RSPO4: variants seen among roughly 807,000 people sequenced by gnomAD.
RSPO4 encodes the protein R-spondin 4.
A neutral mutation model predicts 24.8 loss-of-function variants in RSPO4; 23 were observed. The ratio of observed to expected loss-of-function variants is 0.93; its 90% CI spans 0.67 to 1.31. The LOEUF (loss-of-function observed/expected upper bound fraction) is 1.31, where lower values mean the gene tolerates loss of function less well. Ranked by LOEUF, RSPO4 falls within the 40% of genes most tolerant of loss-of-function variation. The pLI, the probability that RSPO4 is intolerant of heterozygous loss-of-function variation, is 0.00. For synonymous variants in RSPO4, 141 were observed against 127.4 expected, an observed-to-expected ratio of 1.11 and a Z score of -0.72; for missense variants, 333 against 316.5, an observed-to-expected ratio of 1.05 and a Z score of -0.39.
intron 1 of RSPO4, among the ~76,000 whole-genome samples, chr20:992,324 A>C (rs1418447055): frequency 1.5e-5 from 2 of 131,918 alleles, no homozygotes; most frequent in African/African-American, 3.0e-5. Flanking sequence ...TCTGAGGTCC[A>C]CTTTCATAGA....
chr20:967,859 C>G (rs1984264848), intron 2 of RSPO4, 91 bp downstream of exon 2: 1 of 1,279,254 alleles, frequency 7.8e-7, no homozygotes, highest in South Asian at 1.2e-5. Flanking sequence ...ACCTACTTCC[C>G]CTCTGTCTGT....
intron 1 of RSPO4, among the ~76,000 whole-genome samples, chr20:983,687 T>C (rs755140092): frequency 6.6e-6 from 1 of 152,308 alleles, no homozygotes; most frequent in African/African-American, 2.4e-5. Context: ...TGCTCACATG[T>C]TGTGACAGTG....
intron 4 of RSPO4, 29 bp from the exon 5 acceptor site, chr20:960,495 C>T (rs1240682892): frequency 6.6e-7 from 1 of 1,508,290 alleles, no homozygotes; most frequent in South Asian, 1.2e-5. Context: ...GCCCGGTGAC[C>T]AAGGCTGCAG....
rs1006915551 is a variant in RSPO4, at chr20:981,726, A to T, written c.80-13588T>A. ...GTGTGTTTGGGGGACAGGGGCAGGT[A>T]TGTGCCGACACACGAGACCCCTGTC... On this transcript the variant is annotated intron_variant, in intron 1 of 4. Coordinates refer to ENST00000217260, the MANE Select transcript of RSPO4 (RefSeq NM_001029871.4). This position sits in a 1 kb window ranked among gnomAD's most constrained non-coding sequence, Gnocchi z 4.6. 1.2e-4 allele frequency among the ~76,000 whole-genome samples: 18 copies of T among 152,080 alleles called. No individual in the cohort carries two copies. Among genetic ancestry groups the T allele is most frequent in the Admixed American group, 9.2e-4 (14 of 15,268 alleles).
At chr20:971,931 G>A (rs1367037672) in intron 1 of RSPO4, among the ~76,000 whole-genome samples, 1 of 152,158 alleles carries the variant, frequency 6.6e-6, no homozygotes, top group African/African-American at 2.4e-5. Flanking sequence ...CCATCCTCAA[G>A]CTGAGGTCTT....
chr20:999,937 C>T (rs943407779), intron 1 of RSPO4, among the ~76,000 whole-genome samples: 4 of 152,036 alleles, frequency 2.6e-5, no homozygotes, highest in Non-Finnish European at 5.9e-5. Flanking sequence ...GGCATGATCT[C>T]GGCTCACTGC....
At chr20:974,492 C>T (rs1984502599) in intron 1 of RSPO4, among the ~76,000 whole-genome samples, 2 of 152,374 alleles carry the variant, frequency 1.3e-5, no homozygotes, top group South Asian at 2.1e-4. Flanking sequence ...TGCTCCTCTG[C>T]ACTCTCTGGC....
At chr20:988,626 G>C (rs1984997333) in intron 1 of RSPO4, among the ~76,000 whole-genome samples, 1 of 151,970 alleles carries the variant, frequency 6.6e-6, no homozygotes, top group South Asian at 2.1e-4. Context: ...TCTCGACTCA[G>C]TGCAACCTCT....
Position 967,199 on chromosome 20 carries a change from G to A in RSPO4, c.384C>T (p.Ala128=), listed in dbSNP as rs777713947. 2 of 1,614,032 alleles carry A rather than the reference G, an allele frequency of 1.2e-6. No individual in the cohort carries two copies. The highest frequency in any genetic ancestry group is 1.7e-5 in the Admixed American group (1 of 60,034). Residue 128 remains alanine (A), a synonymous_variant, in exon 3 of 5, where the codon GCC becomes GCT. Transcript: ENST00000217260. The part of the protein sequence containing the change: ...CLPTCPPGTL[A]HQNTRECQGE... ...CCTGGCACTCCCGTGTGTTCTGGTG[G>A]GCCAAAGTGCCCGGCGGGCAGGTGG... is the stretch of plus-strand genomic sequence containing the variant.
intron 1 of RSPO4, among the ~76,000 whole-genome samples, chr20:982,163 A>G (rs1393230741): frequency 6.6e-6 from 1 of 152,138 alleles, no homozygotes; most frequent in African/African-American, 2.4e-5. Flanking sequence ...CGGGGCAGAG[A>G]GTCTACCCTC....
intron 1 of RSPO4, among the ~76,000 whole-genome samples, chr20:982,809 CTT>C (rs1473725635): frequency 6.6e-6 from 1 of 152,248 alleles, no homozygotes; most frequent in Non-Finnish European, 1.5e-5. Flanking sequence ...CCCTCTCCCT[CTT>C]GTCGGGGGTT....
chr20:966,104 G>A (rs1217795061), intron 3 of RSPO4, among the ~76,000 whole-genome samples: 7 of 152,168 alleles, frequency 4.6e-5, no homozygotes, highest in Non-Finnish European at 1.0e-4. Context: ...GCACCCAGAG[G>A]GCAGTGGAGG....
At chr20:975,761 A>G (rs1306700550) in intron 1 of RSPO4, among the ~76,000 whole-genome samples, 1 of 152,216 alleles carries the variant, frequency 6.6e-6, no homozygotes, top group Non-Finnish European at 1.5e-5. Flanking sequence ...GCTAGGACTC[A>G]ATGGTTATGA....
At chr20:984,727 G>A (rs6056417) in intron 1 of RSPO4, among the ~76,000 whole-genome samples, 6,479 of 152,274 alleles carry the variant, frequency 0.043, 495 homozygotes, top group African/African-American at 0.15. Flanking sequence ...CCCAGATGTG[G>A]ACTCTTGTCC....
At chr20:996,160 C>A (rs1469246200) in intron 1 of RSPO4, among the ~76,000 whole-genome samples, 1 of 151,986 alleles carries the variant, frequency 6.6e-6, no homozygotes, top group African/African-American at 2.4e-5. Context: ...ACTATCTGAC[C>A]CTTCGCAAAA....
rs968834422 is a variant in RSPO4 at position 958,655 on chromosome 20, G to C, written c.*1702C>G. On this transcript the variant is annotated 3_prime_UTR_variant, in exon 5 of 5. Transcript: ENST00000217260. ...GAGGGTGGGCCTGCTGGGAGGGGGG[G>C]GTTCAGGCCAGGGCTCCCCAGCTGC... is the stretch of plus-strand genomic sequence containing the variant. 4.0e-5 allele frequency: 6 copies of C among 151,676 alleles called. No individual in the cohort carries two copies. The highest frequency in any genetic ancestry group is 1.2e-4 in the African/African-American group (5 of 41,176). The allele number at this position is 151,676 out of a possible 1,614,324, so 9.4% of individuals were successfully genotyped here.
intron 1 of RSPO4, among the ~76,000 whole-genome samples, chr20:980,634 C>G (rs1257471652): frequency 1.3e-5 from 2 of 152,140 alleles, no homozygotes; most frequent in African/African-American, 4.8e-5. Context: ...GACATTCTGG[C>G]CAGAATCCTT....
intron 3 of RSPO4, among the ~76,000 whole-genome samples, chr20:965,463 C>G (rs1984163725): frequency 6.6e-6 from 1 of 152,182 alleles, no homozygotes; most frequent in East Asian, 1.9e-4. Flanking sequence ...TGGGCTCCGC[C>G]CAAGGGCAGT....
chr20:994,045 T>C (rs912167060), intron 1 of RSPO4, among the ~76,000 whole-genome samples: 2 of 152,160 alleles, frequency 1.3e-5, no homozygotes, highest in African/African-American at 4.8e-5. Flanking sequence ...ATTAAGGTAA[T>C]TTAATCAATT....
Sources: gnomAD v4.1 joint callset for allele counts (sites outside exome capture counted in the v4.1 genomes callset) on GRCh38, gnomAD v4.1.1 for gene constraint, Gnocchi (gnomAD v3.1) non-coding constraint, MANE v1.5 for transcripts, NCBI Gene and HGNC (gene_info 2026-07-23, HGNC 2026-07-21) for gene names.